The following CNTLN variants were observed in gnomAD, a reference collection of about 807,000 sequenced individuals.
CNTLN encodes centlein, centrosomal protein.
In CNTLN, 212 loss-of-function variants were observed where a neutral mutation model predicts 180.0. The observed-to-expected ratio is 1.18, with a 90% CI of 1.05 to 1.32. CNTLN has a LOEUF of 1.32. Ranked by LOEUF, CNTLN falls within the 40% of genes most tolerant of loss-of-function variation. The pLI, the probability that CNTLN is intolerant of heterozygous loss-of-function variation, is 0.00. For synonymous variants in CNTLN, 722 were observed against 563.1 expected (o/e 1.28, Z -3.99); for missense variants, 2,095 against 1,610.9 (o/e 1.30, Z -5.14).
the CNTLN span, among the ~76,000 whole-genome samples, chr9:17,520,621 C>G: frequency 3.3e-5 from 5 of 152,324 alleles, no homozygotes; most frequent in South Asian, 1.0e-3. Context: ...TAGTTAATTA[C>G]ACATGAAAAG....
At chr9:17,187,569 A>T (rs1042054427) in intron 2 of CNTLN, among the ~76,000 whole-genome samples, 7 of 151,946 alleles carry the variant, frequency 4.6e-5, no homozygotes, top group African/African-American at 1.7e-4. Context: ...TAAATTATTT[A>T]CTTTTGTTTT....
intron 2 of CNTLN, among the ~76,000 whole-genome samples, chr9:17,200,050 G>C (rs1356875566): frequency 6.6e-6 from 1 of 152,104 alleles, no homozygotes; most frequent in Non-Finnish European, 1.5e-5. Flanking sequence ...TCTGTTTTCT[G>C]CATGTGGCTA....
intron 8 of CNTLN, among the ~76,000 whole-genome samples, chr9:17,325,596 G>C (rs1209009040): frequency 6.6e-6 from 1 of 150,512 alleles, no homozygotes; most frequent in African/African-American, 2.5e-5. Flanking sequence ...CACTTGACCC[G>C]TACTTGATTT....
At chr9:17,501,110 T>C (rs1407949479) in intron 25 of CNTLN, among the ~76,000 whole-genome samples, 1 of 152,218 alleles carries the variant, frequency 6.6e-6, no homozygotes, top group African/African-American at 2.4e-5. Context: ...TTTTTCCCCC[T>C]AGAAAAGCTA....
the CNTLN span, among the ~76,000 whole-genome samples, chr9:17,517,157 C>T: frequency 1.1e-4 from 16 of 151,898 alleles, no homozygotes; most frequent in African/African-American, 3.1e-4. Flanking sequence ...TTTGGGAGGC[C>T]GAGACGGGTG....
At chr9:17,144,257 TTAAAA>T (rs1413061910) in intron 2 of CNTLN, among the ~76,000 whole-genome samples, 3 of 152,196 alleles carry the variant, frequency 2.0e-5, no homozygotes, top group Non-Finnish European at 4.4e-5. Context: ...TTATGAACAC[TTAAAA>T]TAGTATAATC....
intron 18 of CNTLN, among the ~76,000 whole-genome samples, chr9:17,423,973 C>G (rs1228400732): frequency 2.0e-5 from 3 of 152,070 alleles, no homozygotes; most frequent in East Asian, 1.9e-4. Flanking sequence ...AGCTTTTAAC[C>G]TGGTTTGCCT....
At chr9:17,434,876 T>C (rs1829668407) in intron 18 of CNTLN, among the ~76,000 whole-genome samples, 1 of 152,192 alleles carries the variant, frequency 6.6e-6, no homozygotes, top group Non-Finnish European at 1.5e-5. Flanking sequence ...TTGTGCCACT[T>C]TTCTTTTGGC....
At chr9:17,339,802 T>C (rs1189917614) in intron 10 of CNTLN, among the ~76,000 whole-genome samples, 1 of 152,196 alleles carries the variant, frequency 6.6e-6, no homozygotes, top group Non-Finnish European at 1.5e-5. Context: ...TTCGTCTTTA[T>C]AAATTCATTT....
intron 18 of CNTLN, among the ~76,000 whole-genome samples, chr9:17,428,556 A>T (rs1041764070): frequency 1.3e-5 from 2 of 152,146 alleles, no homozygotes; most frequent in African/African-American, 4.8e-5. Context: ...GTTTTTCAGT[A>T]GGTTATATTT....
chr9:17,512,709 T>G, the CNTLN span, among the ~76,000 whole-genome samples: 12 of 152,238 alleles, frequency 7.9e-5, no homozygotes, highest in Admixed American at 7.9e-4. Context: ...AGCATATTCA[T>G]ACTCCTAAAA....
chr9:17,483,814 C>T (rs1423725104), intron 23 of CNTLN, among the ~76,000 whole-genome samples: 2 of 152,216 alleles, frequency 1.3e-5, no homozygotes, highest in Non-Finnish European at 2.9e-5. Context: ...TCAACTTCTT[C>T]CAAAGCATTT....
At chr9:17,213,916 C>T (rs887080250) in intron 2 of CNTLN, among the ~76,000 whole-genome samples, 3 of 152,074 alleles carry the variant, frequency 2.0e-5, no homozygotes, top group African/African-American at 4.8e-5. Flanking sequence ...GGTAGATCTT[C>T]CTCCTTCCCT....
At chr9:17,420,120 G>A (rs1472813680) in intron 18 of CNTLN, among the ~76,000 whole-genome samples, 1 of 152,128 alleles carries the variant, frequency 6.6e-6, no homozygotes, top group Non-Finnish European at 1.5e-5. Flanking sequence ...TCACCATGTT[G>A]GCTAGGGTGG....
chr9:17,326,353 T>C (rs1295421230), intron 8 of CNTLN, among the ~76,000 whole-genome samples: 2 of 152,040 alleles, frequency 1.3e-5, no homozygotes, highest in Non-Finnish European at 2.9e-5. Context: ...GAAAGTTAAC[T>C]TTTCAAAGAT....
chr9:17,283,686 GA>G (rs1828801493), intron 6 of CNTLN, among the ~76,000 whole-genome samples: 1 of 152,124 alleles, frequency 6.6e-6, no homozygotes, highest in South Asian at 2.1e-4. Flanking sequence ...GTTTTCAAGG[GA>G]AATGTTTCCA....
At position 17,462,109 on chromosome 9, in the gene CNTLN, G is replaced by C. The variant is rs919249321; in HGVS notation, c.3307-807G>C. Among the ~76,000 whole-genome samples the C allele has an allele frequency of 1.3e-5, 2 of 151,818 alleles. 1 individual carries two copies. Among genetic ancestry groups the C allele is most frequent in the Middle Eastern group, 6.8e-3 (2 of 294 alleles). ...CCATTATTCTCTAACAAACTATCCC[G>C]AAACATCGTGGCTTAAAACAACAGT... On this transcript the variant is annotated intron_variant, in intron 19 of 25. Transcript: ENST00000380647.
intron 1 of CNTLN, among the ~76,000 whole-genome samples, chr9:17,137,252 A>G (rs1458868164): frequency 4.6e-5 from 7 of 152,214 alleles, no homozygotes. Flanking sequence ...ATACTCTTAT[A>G]TAATTGTAGG....
At chr9:17,203,170 C>G (rs1237199202) in intron 2 of CNTLN, among the ~76,000 whole-genome samples, 1 of 152,172 alleles carries the variant, frequency 6.6e-6, no homozygotes, top group Non-Finnish European at 1.5e-5. Flanking sequence ...GGTCTTCACT[C>G]TGTTCTGGCT....
Sources: gnomAD v4.1 joint callset for allele counts (sites outside exome capture counted in the v4.1 genomes callset) on GRCh38, gnomAD v4.1.1 for gene constraint, MANE v1.5 for transcripts, NCBI Gene and HGNC (gene_info 2026-07-23, HGNC 2026-07-21) for gene names.